METTL22: variants seen among roughly 807,000 people sequenced by gnomAD.
METTL22 encodes the protein methyltransferase 22, Kin17 lysine, also known as methyltransferase-like protein 22.
Under a neutral mutation model 48.4 loss-of-function variants are expected in METTL22, and 51 were observed. The observed-to-expected ratio is 1.05, with a 90% CI of 0.84 to 1.33. The LOEUF (loss-of-function observed/expected upper bound fraction) is 1.33, where lower values mean the gene tolerates loss of function less well. Ranked by LOEUF, METTL22 falls within the 40% of genes most tolerant of loss-of-function variation. The pLI is 0.00. For synonymous variants in METTL22, 255 were observed against 214.1 expected (o/e 1.19, Z -1.67); for missense variants, 678 against 526.9 (o/e 1.29, Z -2.81).
chr16:8,625,134 G>C (rs772166009), intron 1 of METTL22, among the ~76,000 whole-genome samples: 23 of 152,084 alleles, frequency 1.5e-4, no homozygotes, highest in Middle Eastern at 3.2e-3. Flanking sequence ...TGATTATATA[G>C]GGAAATGCTC....
At position 8,628,856 on chromosome 16, in the gene METTL22, C is replaced by A. The variant is rs755845007; in HGVS notation, c.260C>A (p.Ser87Tyr). 6.2e-7 allele frequency: 1 copy of A among 1,613,726 alleles called. No individual in the cohort carries two copies. Among genetic ancestry groups the A allele is most frequent in the African/African-American group, 1.3e-5 (1 of 74,894 alleles). Residue 87 changes from serine to tyrosine, a missense_variant, in exon 3 of 11, where the codon TCC (serine) becomes TAC (tyrosine). Coordinates refer to ENST00000381920, the MANE Select transcript of METTL22 (RefSeq NM_024109.4). ...PPSAETGSTG[S>Y]PPGSGHGNEG... ...TCTGCTGAGACAGGCAGCACAGGGT[C>A]CCCTCCAGGAAGTGGCCATGGTAAT...
At chr16:8,644,345 A>G in intron 9 of METTL22, 1 of 450,468 alleles carries the variant, frequency 2.2e-6, no homozygotes, top group East Asian at 3.7e-5. Context: ...CTGTTTCCAC[A>G]TCTGTAAAGT....
the METTL22 span, among the ~76,000 whole-genome samples, chr16:8,655,574 C>T: frequency 2.6e-5 from 4 of 152,190 alleles, no homozygotes; most frequent in Admixed American, 2.6e-4. Context: ...AAGTCCAGCC[C>T]ACACTCAAGG....
chr16:8,636,580 A>G (rs558557253), intron 5 of METTL22, among the ~76,000 whole-genome samples: 102 of 149,016 alleles, frequency 6.8e-4, no homozygotes, highest in African/African-American at 2.3e-3. Context: ...ATAATATTTC[A>G]TCTTCTTTGT....
chr16:8,624,940 C>A (rs2055993371), intron 1 of METTL22, among the ~76,000 whole-genome samples: 1 of 151,970 alleles, frequency 6.6e-6, no homozygotes, highest in African/African-American at 2.4e-5. Context: ...CAGTTGATAA[C>A]AGCTTCTAGA....
At position 8,628,913 on chromosome 16, in the gene METTL22, C is replaced by T. The variant is rs1361753228; in HGVS notation, c.317C>T (p.Thr106Ile). The change falls in exon 3 of 11, where the codon ACC becomes ATC. Residue 106 changes from threonine to isoleucine, a missense_variant. Transcript: ENST00000381920. ...TTCTCCCTCCAGGCCGGGACTGACA[C>T]CACTGGCCAGGAAGTGGCTGAAGCT... ...EGFSLQAGTD[T>I]TGQEVAEAQL... is the part of the protein sequence containing the mutation. 40 of 1,613,934 alleles carry T rather than the reference C, an allele frequency of 2.5e-5. No homozygotes were observed. Among genetic ancestry groups the T allele is most frequent in the Non-Finnish European group, 3.2e-5 (38 of 1,180,032 alleles).
downstream of METTL22, among the ~76,000 whole-genome samples, chr16:8,653,606 T>C (rs1019287720): frequency 6.6e-6 from 1 of 152,226 alleles, no homozygotes; most frequent in African/African-American, 2.4e-5. Flanking sequence ...TCAGTCTCTA[T>C]TGATTACTAG....
chr16:8,649,843 G>T (rs2056868103), downstream of METTL22, among the ~76,000 whole-genome samples: 1 of 151,338 alleles, frequency 6.6e-6, no homozygotes, highest in Non-Finnish European at 1.5e-5. Context: ...GTGAAACTGT[G>T]GTCCCCAAAG....
At chr16:8,666,279 C>T in the METTL22 span, among the ~76,000 whole-genome samples, 12 of 152,312 alleles carry the variant, frequency 7.9e-5, no homozygotes, top group Non-Finnish European at 1.8e-4. Context: ...AGTGACTGTT[C>T]TGTGCCGGCT....
chr16:8,657,662 C>T, the METTL22 span, among the ~76,000 whole-genome samples: 5 of 152,206 alleles, frequency 3.3e-5, no homozygotes, highest in East Asian at 9.6e-4. Context: ...CAAGCTATGT[C>T]CACGTTCTAA....
At chr16:8,651,188 C>A (rs936778517), downstream of METTL22, among the ~76,000 whole-genome samples, 8 of 151,756 alleles carry the variant, frequency 5.3e-5, no homozygotes, top group Non-Finnish European at 1.2e-4. Flanking sequence ...GAAATCAAGA[C>A]CATCCTGGCT....
At position 8,641,171 on chromosome 16, in the gene METTL22, C is replaced by T. The variant is rs773593949; in HGVS notation, c.813C>T (p.Asp271=). 6.2e-6 allele frequency: 10 copies of T among 1,613,814 alleles called. No individual in the cohort carries two copies. In the East Asian group the frequency reaches 6.7e-5, roughly 11 times the overall value. Residue 271 remains aspartate, a synonymous_variant, in exon 7 of 11, where the codon GAC becomes GAT. Transcript: ENST00000381920. The stretch of plus-strand genomic sequence containing the variant: ...TCAAAGAACTGGACTGGCTGAAGGA[C>T]GACCTCTGCACAGGTGTGTGTTTCT... ...VRVKELDWLK[D]DLCTDPKVPF...
intron 10 of METTL22, 195 bp downstream of exon 10, chr16:8,644,920 T>C (rs2056739530): frequency 7.5e-6 from 4 of 530,386 alleles, no homozygotes; most frequent in Non-Finnish European, 9.4e-6. Context: ...GCAGCCACCA[T>C]GTCTGGAGAC....
In METTL22 at chr16:8,628,750, C is replaced by T; in HGVS notation, c.154C>T (p.Leu52Phe). The change falls in exon 3 of 11, where the codon CTT (leucine) becomes TTT (phenylalanine). Residue 52 changes from leucine (L) to phenylalanine (F), a missense_variant. Leu to Phe is a conservative substitution (Grantham distance 22). Coordinates refer to ENST00000381920, the MANE Select transcript of METTL22 (RefSeq NM_024109.4). ...TTCAGTTTTCCTGTCCCAATTCAAGCTTCTATGGAGCCAAGACTCTTGGAC... is the reference window on the plus strand; with the variant it reads ...TTCAGTTTTCCTGTCCCAATTCAAGTTTCTATGGAGCCAAGACTCTTGGAC... ...GQPVFLSQFK[L>F]LWSQDSWTDS... 6.2e-7 allele frequency: 1 copy of T among 1,611,298 alleles called. No individual in the cohort carries two copies. The highest frequency in any genetic ancestry group is 1.1e-5 in the South Asian group (1 of 90,994).
chr16:8,636,830 C>T (rs2141756369), intron 5 of METTL22, among the ~76,000 whole-genome samples: 1 of 152,278 alleles, frequency 6.6e-6, no homozygotes, highest in African/African-American at 2.4e-5. Flanking sequence ...TATTCTTAAG[C>T]TTTTGATGAA....
the METTL22 span, among the ~76,000 whole-genome samples, chr16:8,658,745 C>T: frequency 1.3e-5 from 2 of 152,164 alleles, no homozygotes; most frequent in Non-Finnish European, 2.9e-5. Flanking sequence ...CCAGATTTGA[C>T]CAGAGTGCAC....
chr16:8,633,202 A>T (rs1567233157), intron 3 of METTL22, among the ~76,000 whole-genome samples: 1 of 152,106 alleles, frequency 6.6e-6, no homozygotes, highest in Non-Finnish European at 1.5e-5. Context: ...CAGCCTGCCC[A>T]GCGAGTCCCT....
downstream of METTL22, among the ~76,000 whole-genome samples, chr16:8,653,367 T>C (rs1449935803): frequency 2.6e-5 from 4 of 152,168 alleles, no homozygotes. Flanking sequence ...TTGGGTGATG[T>C]CAGGTGCCTC....
chr16:8,641,590 T>A (rs985498378), intron 7 of METTL22: 10 of 451,228 alleles, frequency 2.2e-5, no homozygotes, highest in Admixed American at 2.5e-5. Flanking sequence ...TCCATATTTC[T>A]TACACAGACT....
Sources: gnomAD v4.1 joint callset for allele counts (sites outside exome capture counted in the v4.1 genomes callset) on GRCh38, gnomAD v4.1.1 for gene constraint, MANE v1.5 for transcripts, NCBI Gene and HGNC (gene_info 2026-07-23, HGNC 2026-07-21) for gene names.